The following TSPAN5 variants were observed in gnomAD, a reference collection of about 807,000 sequenced individuals.
The protein encoded by TSPAN5 is tetraspanin-5.
Under a neutral mutation model 37.1 loss-of-function variants are expected in TSPAN5, and 10 were observed. That is an observed-to-expected ratio of 0.27 (90% CI 0.17 to 0.46). The LOEUF is 0.46. Ranked by LOEUF, TSPAN5 falls within the 20% of genes least tolerant of loss-of-function variation. The pLI, the probability that TSPAN5 is intolerant of heterozygous loss-of-function variation, is 1.00. For synonymous variants in TSPAN5, 110 were observed against 118.9 expected (o/e 0.93, Z 0.48); for missense variants, 195 against 326.6 (o/e 0.60, Z 3.11).
intron 1 of TSPAN5, among the ~76,000 whole-genome samples, chr4:98,556,908 C>G (rs953084577): frequency 2.0e-5 from 3 of 152,166 alleles, no homozygotes; most frequent in South Asian, 2.1e-4. Context: ...TTATACTCAT[C>G]AAAAAGTGAA....
At chr4:98,505,728 A>G (rs541092061) in intron 2 of TSPAN5, among the ~76,000 whole-genome samples, 1 of 152,146 alleles carries the variant, frequency 6.6e-6, no homozygotes, top group African/African-American at 2.4e-5. Flanking sequence ...TATTCCCCAC[A>G]CTCAGGCCCC....
rs182782863 is a variant in TSPAN5 at position 98,629,119 on chromosome 4, C to T, written c.81+29027G>A. ...AGGAAAAAATGCTTATAAACACACA[C>T]ATATTATCCTGAAACAGAAACAATA... On this transcript the variant is annotated intron_variant, in intron 1 of 7. Transcript: ENST00000305798. 1.7e-3 allele frequency among the ~76,000 whole-genome samples: 252 copies of T among 152,288 alleles called. 1 individual carries two copies. The Middle Eastern group carries it at 0.034, about 21-fold the overall frequency.
chr4:98,588,830 A>G (rs1297307682), intron 1 of TSPAN5, among the ~76,000 whole-genome samples: 1 of 152,212 alleles, frequency 6.6e-6, no homozygotes, highest in Non-Finnish European at 1.5e-5. Context: ...AATGTCATTG[A>G]GTTTACATTT....
intron 1 of TSPAN5, among the ~76,000 whole-genome samples, chr4:98,525,295 G>A (rs1042995910): frequency 2.6e-5 from 4 of 152,260 alleles, no homozygotes; most frequent in Non-Finnish European, 4.4e-5. Context: ...ATGAGAGGCC[G>A]GGGCCATTGT....
chr4:98,522,253 T>C (rs1753872945), intron 1 of TSPAN5, among the ~76,000 whole-genome samples: 1 of 152,234 alleles, frequency 6.6e-6, no homozygotes, highest in South Asian at 2.1e-4. Context: ...AGAAAGCTTC[T>C]TTAAAATGAA....
chr4:98,528,851 G>T (rs141698110), intron 1 of TSPAN5, among the ~76,000 whole-genome samples: 2 of 152,152 alleles, frequency 1.3e-5, no homozygotes, highest in South Asian at 2.1e-4. Context: ...TGCTGGAAAT[G>T]GGGGGAGGGT....
At chr4:98,613,912 A>G (rs1756260628) in intron 1 of TSPAN5, among the ~76,000 whole-genome samples, 1 of 151,980 alleles carries the variant, frequency 6.6e-6, no homozygotes, top group Non-Finnish European at 1.5e-5. Flanking sequence ...TTCCAATTTT[A>G]TCCCTCCCTA....
At chr4:98,546,032 T>C (rs1560531591) in intron 1 of TSPAN5, among the ~76,000 whole-genome samples, 1 of 143,010 alleles carries the variant, frequency 7.0e-6, no homozygotes, top group Non-Finnish European at 1.5e-5. Flanking sequence ...TTAATAGATG[T>C]GCATTAGGAT....
intron 1 of TSPAN5, among the ~76,000 whole-genome samples, chr4:98,619,530 A>G (rs1199236012): frequency 6.6e-6 from 1 of 152,202 alleles, no homozygotes; most frequent in Admixed American, 6.5e-5. Context: ...AAGTCTTACA[A>G]ACCATCTATG....
intron 1 of TSPAN5, among the ~76,000 whole-genome samples, chr4:98,580,812 A>G (rs1257653839): frequency 6.6e-6 from 1 of 152,156 alleles, no homozygotes; most frequent in African/African-American, 2.4e-5. Context: ...CCCGTACAGG[A>G]AGAAGACAGT....
intron 4 of TSPAN5, 134 bp from the exon 5 acceptor site, chr4:98,478,944 A>G: frequency 9.2e-7 from 1 of 1,088,500 alleles, no homozygotes; most frequent in Non-Finnish European, 1.3e-6. Context: ...TTTTAAGCCA[A>G]ACTGAACCTA....
intron 7 of TSPAN5, among the ~76,000 whole-genome samples, chr4:98,475,252 A>T (rs1487619783): frequency 6.6e-6 from 1 of 152,214 alleles, no homozygotes; most frequent in Non-Finnish European, 1.5e-5. Context: ...GATCAACTTG[A>T]TGAGTGTTGT....
intron 1 of TSPAN5, among the ~76,000 whole-genome samples, chr4:98,557,810 C>T (rs1012994849): frequency 6.6e-6 from 1 of 152,184 alleles, no homozygotes. Flanking sequence ...TGGCACTTAA[C>T]CTCTGTGGGT....
Position 98,564,133 on chromosome 4 carries a change from G to C in TSPAN5, c.82-56405C>G, listed in dbSNP as rs75725229. ...TGGGCAACAATTTCACTTTTCCCCAGCCCCTCCTGTTATCACTGCCTTCCT... is the reference window on the plus strand; with the variant it reads ...TGGGCAACAATTTCACTTTTCCCCACCCCCTCCTGTTATCACTGCCTTCCT... On this transcript the variant is annotated intron_variant, in intron 1 of 7. Transcript: ENST00000305798. Among the ~76,000 whole-genome samples the C allele has an allele frequency of 0.021, 3,261 of 152,240 alleles. 217 individuals are homozygous for C. In the East Asian group the frequency reaches 0.24, roughly 11 times the overall value.
intron 1 of TSPAN5, among the ~76,000 whole-genome samples, chr4:98,548,530 T>C (rs1754523902): frequency 6.6e-6 from 1 of 152,044 alleles, no homozygotes; most frequent in Non-Finnish European, 1.5e-5. Context: ...ATTTTTAAAA[T>C]TTAAAAATAC....
intron 2 of TSPAN5, among the ~76,000 whole-genome samples, chr4:98,491,234 T>C (rs1753079453): frequency 6.6e-6 from 1 of 152,180 alleles, no homozygotes; most frequent in Non-Finnish European, 1.5e-5. Context: ...AATATATTAT[T>C]AGCCATCATC....
At chr4:98,528,460 C>G (rs1213701704) in intron 1 of TSPAN5, among the ~76,000 whole-genome samples, 1 of 149,132 alleles carries the variant, frequency 6.7e-6, no homozygotes, top group Non-Finnish European at 1.5e-5. Flanking sequence ...ATGTAGGCAT[C>G]CAGTCTAGTT....
At position 98,471,151 on chromosome 4, in the gene TSPAN5, A is replaced by G. The variant is rs1357826536; in HGVS notation, c.*1371T>C. 2 of 152,208 alleles carry G rather than the reference A, an allele frequency of 1.3e-5. No individual in the cohort carries two copies. Among genetic ancestry groups the G allele is most frequent in the Non-Finnish European group, 2.9e-5 (2 of 68,026 alleles). 9.4% of individuals were successfully genotyped at this position (152,208 alleles called of 1,614,324 possible). A position where few individuals can be genotyped will look rare whatever the true frequency, so the allele number is the denominator to read the frequency against. On this transcript the variant is annotated 3_prime_UTR_variant, in exon 8 of 8. Transcript: ENST00000305798. ...CCCTCCAAAGTATTTGTGCTTTGAT[A>G]CCATCCTGATGGTTAGTCTGCAATA...
chr4:98,509,437 C>T (rs1231192689), intron 1 of TSPAN5, among the ~76,000 whole-genome samples: 1 of 152,150 alleles, frequency 6.6e-6, no homozygotes, highest in Admixed American at 6.5e-5. Flanking sequence ...TTAGCTGCTC[C>T]GAAAACATAG....
Sources: allele counts gnomAD v4.1 joint callset (sites outside exome capture counted in the v4.1 genomes callset), GRCh38; gene constraint gnomAD v4.1.1; transcripts MANE v1.5; gene names NCBI Gene and HGNC (gene_info 2026-07-23, HGNC 2026-07-21).